Variants in PTTG1IP observed in about 807,000 individuals in gnomAD.
PTTG1IP encodes PTTG1 interacting protein, also known as pituitary tumor-transforming gene 1 protein-interacting protein.
PTTG1IP carries 16 observed loss-of-function variants against 24.4 expected under a neutral mutation model. That is an observed-to-expected ratio of 0.66 (90% CI 0.44 to 1.00). The LOEUF is 1.00. PTTG1IP is among the 50% of genes least tolerant of loss of function. The pLI is 0.00. For synonymous variants in PTTG1IP, 89 were observed against 96.8 expected, an observed-to-expected ratio of 0.92 and a Z score of 0.47; for missense variants, 241 against 245.8, an observed-to-expected ratio of 0.98 and a Z score of 0.13.
At chr21:44,862,918 T>C (rs1168853496) in intron 2 of PTTG1IP, among the ~76,000 whole-genome samples, 3 of 152,194 alleles carry the variant, frequency 2.0e-5, no homozygotes, top group South Asian at 2.1e-4. Context: ...GTTGTAAATG[T>C]CTGATTTTCC....
At chr21:44,858,520 C>A (rs184637601) in intron 3 of PTTG1IP, among the ~76,000 whole-genome samples, 1 of 152,158 alleles carries the variant, frequency 6.6e-6, no homozygotes, top group Non-Finnish European at 1.5e-5. Context: ...TCCCTCTCAG[C>A]CTCAGAATTA....
At chr21:44,864,361 G>A (rs1408634224) in intron 2 of PTTG1IP, among the ~76,000 whole-genome samples, 1 of 152,254 alleles carries the variant, frequency 6.6e-6, no homozygotes, top group East Asian at 1.9e-4. Context: ...CCACCACGCA[G>A]AGAAAACCAA....
chr21:44,855,247 C>T lies in PTTG1IP; in HGVS notation c.459G>A (p.Glu153=). The change falls in exon 5 of 6, where the codon GAG becomes GAA. Residue 153 remains glutamate, a synonymous_variant. Coordinates refer to ENST00000330938, the MANE Select transcript of PTTG1IP (RefSeq NM_004339.4). ...TGATTTCATCATGTCTTGTCTTCAT[C>T]TCTGCTCTCCTAAAACACAGAGGAA... ...RRIRQEERRA[E]MKTRHDEIRK... 6.2e-7 allele frequency: 1 copy of T among 1,611,834 alleles called. No individual in the cohort carries two copies. Among genetic ancestry groups the T allele is most frequent in the African/African-American group, 1.3e-5 (1 of 74,986 alleles).
At chr21:44,856,089 T>A (rs538007241) in intron 4 of PTTG1IP, 104 bp downstream of exon 4, 33 of 1,604,882 alleles carry the variant, frequency 2.1e-5, no homozygotes, top group East Asian at 1.8e-4. Context: ...TCTTAATTTC[T>A]AAAAACTGAG....
rs1017620847 is a variant in PTTG1IP at position 44,858,845 on chromosome 21, G to T, written c.277+2318C>A. ...GACACCACTACACACCCACTAGATG[G>T]ACTGAACTTAGGGTGACTGGTTACC... On this transcript the variant is annotated intron_variant, in intron 3 of 5. Coordinates refer to ENST00000330938, the MANE Select transcript of PTTG1IP (RefSeq NM_004339.4). Among the ~76,000 whole-genome samples, 3 of 152,210 alleles carry T rather than the reference G, an allele frequency of 2.0e-5. No homozygotes were observed. The South Asian group carries it at 6.2e-4, about 31-fold the overall frequency.
chr21:44,865,998 T>G (rs938545362), intron 1 of PTTG1IP: 2 of 185,794 alleles, frequency 1.1e-5, no homozygotes, highest in African/African-American at 2.4e-5. Context: ...TGTACCAACC[T>G]GTACCAAGGG....
intron 5 of PTTG1IP, among the ~76,000 whole-genome samples, chr21:44,854,513 C>CGCCCATGACACCACACAACCACAA (rs2083434298): frequency 6.6e-6 from 1 of 152,112 alleles, no homozygotes; most frequent in African/African-American, 2.4e-5. Flanking sequence ...GCGCGGGAGA[C>CGCCCATGACACCACACAACCACAA]ACTAGACTCT....
At chr21:44,861,081 C>A in intron 3 of PTTG1IP, 82 bp downstream of exon 3, 2 of 1,211,092 alleles carry the variant, frequency 1.7e-6, no homozygotes, top group Non-Finnish European at 2.4e-6. Flanking sequence ...GGATTACAGA[C>A]GTGAGCCACC....
chr21:44,872,941 G>C (rs2083601109), intron 1 of PTTG1IP: 1 of 152,336 alleles, frequency 6.6e-6, no homozygotes, highest in Non-Finnish European at 1.5e-5. Flanking sequence ...TCCTTTCTAA[G>C]GCATAAGTGC....
chr21:44,866,307 CAG>C (rs1199077895), intron 1 of PTTG1IP, among the ~76,000 whole-genome samples: 1 of 133,852 alleles, frequency 7.5e-6, no homozygotes, highest in Non-Finnish European at 1.6e-5. Context: ...AACACACACA[CAG>C]ACTGCCTACT....
intron 2 of PTTG1IP, chr21:44,861,879 G>A: frequency 1.4e-6 from 1 of 716,768 alleles, no homozygotes; most frequent in Admixed American, 2.0e-5. Flanking sequence ...GGTGAGCATG[G>A]TCACCATCTG....
chr21:44,868,539 C>T (rs28375937), intron 1 of PTTG1IP, among the ~76,000 whole-genome samples: 10,187 of 152,144 alleles, frequency 0.067, 1,156 homozygotes, highest in African/African-American at 0.23. Flanking sequence ...GAGAGTGGCA[C>T]AGACATGAAC....
At chr21:44,872,128 T>C (rs1242112007) in intron 1 of PTTG1IP, among the ~76,000 whole-genome samples, 1 of 152,112 alleles carries the variant, frequency 6.6e-6, no homozygotes, top group Non-Finnish European at 1.5e-5. Flanking sequence ...TGCCAGTGAA[T>C]CACACACTCT....
At chr21:44,869,891 A>G (rs2083570288) in intron 1 of PTTG1IP, among the ~76,000 whole-genome samples, 1 of 152,222 alleles carries the variant, frequency 6.6e-6, no homozygotes, top group Non-Finnish European at 1.5e-5. Context: ...TACAAGTGAC[A>G]GGGGATTTTC....
chr21:44,857,883 A>C (rs935246510), intron 3 of PTTG1IP, among the ~76,000 whole-genome samples: 6 of 152,228 alleles, frequency 3.9e-5, no homozygotes, highest in Admixed American at 2.6e-4. Flanking sequence ...AAATTATAGT[A>C]AGAGGGAGAA....
In PTTG1IP at chr21:44,855,225, T is replaced by A; in HGVS notation, c.481A>T (p.Ile161Phe). The A allele has an allele frequency of 6.2e-7, 1 of 1,612,640 alleles. No homozygotes were observed. ...RAEMKTRHDEIRKKYGLFKEE... is the reference protein window; with the variant it reads ...RAEMKTRHDEFRKKYGLFKEE... ...CAGTCCTTACCATATTTTTTTCTGA[T>A]TTCATCATGTCTTGTCTTCATCTCT... is the stretch of plus-strand genomic sequence containing the variant. Residue 161 changes from isoleucine to phenylalanine, a missense_variant, in exon 5 of 6, where the codon ATC becomes TTC. Physicochemically the swap from Ile to Phe is conservative, Grantham distance 21. Coordinates refer to ENST00000330938, the MANE Select transcript of PTTG1IP (RefSeq NM_004339.4).
chr21:44,866,665 C>A (rs1055449377), intron 1 of PTTG1IP, among the ~76,000 whole-genome samples: 1 of 138,772 alleles, frequency 7.2e-6, no homozygotes, highest in East Asian at 2.0e-4. Context: ...CACAGACTGC[C>A]TACTCCAATC....
intron 4 of PTTG1IP, among the ~76,000 whole-genome samples, chr21:44,855,869 T>A (rs925788654): frequency 4.6e-5 from 7 of 152,200 alleles, no homozygotes; most frequent in African/African-American, 1.7e-4. Context: ...GAGCCTCAGC[T>A]TGCTCTTGGC....
chr21:44,859,447 G>A (rs534528845), intron 3 of PTTG1IP, among the ~76,000 whole-genome samples: 1 of 151,880 alleles, frequency 6.6e-6, no homozygotes, highest in African/African-American at 2.4e-5. Flanking sequence ...ACACACGTGT[G>A]CATTATGTAG....
Sources: gnomAD v4.1 joint callset for allele counts (sites outside exome capture counted in the v4.1 genomes callset) on GRCh38, gnomAD v4.1.1 for gene constraint, MANE v1.5 for transcripts, NCBI Gene and HGNC (gene_info 2026-07-23, HGNC 2026-07-21) for gene names.